ARHGAP17: variants seen among roughly 807,000 people sequenced by gnomAD.
ARHGAP17 encodes the protein rho GTPase-activating protein 17.
ARHGAP17 carries 57 observed loss-of-function variants against 99.5 expected under a neutral mutation model. That is an observed-to-expected ratio of 0.57 (90% CI 0.46 to 0.71). ARHGAP17 has a LOEUF of 0.71. Ranked by LOEUF, ARHGAP17 falls within the 30% of genes least tolerant of loss-of-function variation. The pLI, the probability that ARHGAP17 is intolerant of heterozygous loss-of-function variation, is 0.00. For synonymous variants in ARHGAP17, 417 were observed against 429.6 expected, an observed-to-expected ratio of 0.97 and a Z score of 0.36; for missense variants, 1,000 against 1,122.4, an observed-to-expected ratio of 0.89 and a Z score of 1.56.
Position 24,977,127 on chromosome 16 carries a change from T to A in ARHGAP17, c.198+88A>T, listed in dbSNP as rs960297704. The A allele has an allele frequency of 1.6e-5, 17 of 1,038,004 alleles. 1 individual carries two copies. In the Admixed American group the frequency reaches 3.0e-4, roughly 18 times the overall value. The allele number at this position is 1,038,004 out of a possible 1,614,324, so 64.3% of individuals were successfully genotyped here. A position where few individuals can be genotyped will look rare whatever the true frequency, so the allele number is the denominator to read the frequency against. On this transcript the variant is annotated intron_variant, in intron 3 of 19. Coordinates refer to ENST00000289968, the MANE Select transcript of ARHGAP17 (RefSeq NM_001006634.3). ...AAGTCACCAAAGGCTGATCCACTGA[T>A]GCCACTTAGGACAACCAACCAATCC...
chr16:25,001,712 C>A (rs1479237986), intron 1 of ARHGAP17, among the ~76,000 whole-genome samples: 5 of 152,168 alleles, frequency 3.3e-5, no homozygotes, highest in Non-Finnish European at 1.5e-5. Flanking sequence ...GAGCCACAAA[C>A]CCAGCCTGAA....
intron 1 of ARHGAP17, among the ~76,000 whole-genome samples, chr16:24,981,576 A>T (rs751550681): frequency 6.6e-6 from 1 of 152,228 alleles, no homozygotes; most frequent in Non-Finnish European, 1.5e-5. Flanking sequence ...ATATGAATAA[A>T]TGTCACAATA....
chr16:24,988,106 C>G (rs1344775532), intron 1 of ARHGAP17, among the ~76,000 whole-genome samples: 3 of 152,028 alleles, frequency 2.0e-5, no homozygotes, highest in Non-Finnish European at 4.4e-5. Context: ...AGTTTGGATG[C>G]AATAGTTTGA....
chr16:24,961,530 T>TAA (rs1567232808), intron 7 of ARHGAP17, among the ~76,000 whole-genome samples: 16 of 130,766 alleles, frequency 1.2e-4, no homozygotes, highest in Middle Eastern at 3.7e-3. Flanking sequence ...TTTTTTTTTT[T>TAA]TTTTTTTTTT....
intron 7 of ARHGAP17, among the ~76,000 whole-genome samples, chr16:24,963,937 C>T (rs1435323123): frequency 3.3e-5 from 5 of 151,798 alleles, no homozygotes; most frequent in African/African-American, 1.2e-4. Flanking sequence ...CTATGGTTTT[C>T]TTTCCTTTTT....
intron 14 of ARHGAP17, 58 bp from the exon 15 acceptor site, chr16:24,943,920 T>A: frequency 7.0e-7 from 1 of 1,437,224 alleles, no homozygotes; most frequent in Non-Finnish European, 9.8e-7. Context: ...TAATTTCTTC[T>A]GGTTGTGTCA....
intron 1 of ARHGAP17, 69 bp downstream of exon 1, chr16:25,015,140 C>A: frequency 8.5e-7 from 1 of 1,178,442 alleles, no homozygotes; most frequent in Non-Finnish European, 1.1e-6. Flanking sequence ...GAGGAGCCGT[C>A]CCGCCCCCGC....
intron 3 of ARHGAP17, among the ~76,000 whole-genome samples, chr16:24,971,984 C>T (rs1041807219): frequency 1.3e-5 from 2 of 152,182 alleles, no homozygotes; most frequent in African/African-American, 4.8e-5. Flanking sequence ...CTGGTTATAA[C>T]GTCATAATCT....
chr16:25,014,613 T>C (rs756443724), intron 1 of ARHGAP17, among the ~76,000 whole-genome samples: 12 of 152,374 alleles, frequency 7.9e-5, no homozygotes, highest in Non-Finnish European at 7.3e-5. Flanking sequence ...GTCCAGTTCC[T>C]AGGAGCCCTG....
chr16:24,930,581 A>T, intron 19 of ARHGAP17: 1 of 926,844 alleles, frequency 1.1e-6, no homozygotes, highest in Non-Finnish European at 1.8e-6. Flanking sequence ...GCACCAATGC[A>T]GCCACAGACA....
At chr16:24,934,135 A>G (rs2051070540) in intron 18 of ARHGAP17, among the ~76,000 whole-genome samples, 1 of 152,166 alleles carries the variant, frequency 6.6e-6, no homozygotes, top group Non-Finnish European at 1.5e-5. Context: ...CCATGCTTCT[A>G]TAGACAGACA....
chr16:24,921,561 T>G (rs1231629237), intron 19 of ARHGAP17, among the ~76,000 whole-genome samples: 1 of 152,148 alleles, frequency 6.6e-6, no homozygotes, highest in Admixed American at 6.5e-5. Flanking sequence ...CTGGTGCACT[T>G]TGGGGAAGCT....
intron 15 of ARHGAP17, 85 bp from the exon 16 acceptor site, chr16:24,942,228 A>T (rs1462871107): frequency 2.9e-6 from 4 of 1,371,738 alleles, no homozygotes; most frequent in Non-Finnish European, 4.0e-6. Flanking sequence ...TGGAACGGGA[A>T]CCTCGTTCTT....
rs1442099579 is a variant in ARHGAP17 at position 24,935,610 on chromosome 16, GCAGA to G, written c.1750_1753del (p.Ser584GlnfsTer13). 1 of 1,613,994 alleles carries G rather than the reference GCAGA, an allele frequency of 6.2e-7. No homozygotes were observed. On this transcript the variant is annotated frameshift_variant, in exon 18 of 20. Coordinates refer to ENST00000289968, the MANE Select transcript of ARHGAP17 (RefSeq NM_001006634.3). LOFTEE classifies it high-confidence loss of function. Reference sequence around the variant, plus strand: ...GTTTCTCCCTGGTGCTGGCACAGCTGCAGATACAGGGTCCTTCGGTTTGGGAGGA... The same window carrying G: ...GTTTCTCCCTGGTGCTGGCACAGCTGTACAGGGTCCTTCGGTTTGGGAGGA...
intron 12 of ARHGAP17, among the ~76,000 whole-genome samples, chr16:24,951,585 T>C (rs567738624): frequency 6.6e-6 from 1 of 152,288 alleles, no homozygotes; most frequent in Admixed American, 6.5e-5. Flanking sequence ...ACCCCTTCAC[T>C]TTCTCTGCTT....
At chr16:24,922,683 A>T (rs1032774449) in intron 19 of ARHGAP17, among the ~76,000 whole-genome samples, 22 of 149,940 alleles carry the variant, frequency 1.5e-4, no homozygotes, top group Middle Eastern at 3.4e-3. Context: ...AAAAAAAAAA[A>T]TTTTTTTTTT....
chr16:24,920,700 T>C (rs2050698474), intron 19 of ARHGAP17: 1 of 158,696 alleles, frequency 6.3e-6, no homozygotes, highest in South Asian at 1.9e-4. Flanking sequence ...ACCAGCAACA[T>C]TTGGGCCTGA....
intron 9 of ARHGAP17, among the ~76,000 whole-genome samples, chr16:24,959,106 C>G (rs2051901643): frequency 6.6e-6 from 1 of 151,798 alleles, no homozygotes; most frequent in South Asian, 2.1e-4. Flanking sequence ...CTGCAGTGTG[C>G]TTGAATATGA....
chr16:24,981,074 G>T (rs951946579), intron 1 of ARHGAP17, among the ~76,000 whole-genome samples: 2 of 152,222 alleles, frequency 1.3e-5, no homozygotes, highest in Non-Finnish European at 2.9e-5. Context: ...AAGCAGATGT[G>T]GGAAAGTTAG....
Sources: gnomAD v4.1 joint callset for allele counts (sites outside exome capture counted in the v4.1 genomes callset) on GRCh38, gnomAD v4.1.1 for gene constraint, MANE v1.5 for transcripts, NCBI Gene and HGNC (gene_info 2026-07-23, HGNC 2026-07-21) for gene names.